Variants in PLCXD1 observed in about 807,000 individuals in gnomAD.
The protein encoded by PLCXD1 is phosphatidylinositol specific phospholipase C X domain containing 1.
A neutral mutation model predicts 37.8 loss-of-function variants in PLCXD1; 45 were observed. The observed-to-expected ratio is 1.19, with a 90% CI of 0.94 to 1.53. The LOEUF (loss-of-function observed/expected upper bound fraction) is 1.53, where lower values mean the gene tolerates loss of function less well. PLCXD1 is among the 40% of genes most tolerant of loss of function. PLCXD1 has a pLI of 0.00. For missense variants in PLCXD1, 539 were observed against 454.7 expected, an observed-to-expected ratio of 1.19 and a Z score of -1.69; for synonymous variants, 246 against 206.9, an observed-to-expected ratio of 1.19 and a Z score of -1.62.
chrX:278,185 C>CGTGGGGACAGGT (rs2069192255), upstream of PLCXD1, among the ~76,000 whole-genome samples: 5 of 27,262 alleles, frequency 1.8e-4, no homozygotes, highest in African/African-American at 3.8e-4. Context: ...GGTCGGGGGA[C>CGTGGGGACAGGT]GTGGGGACAG....
upstream of PLCXD1, chrX:281,157 C>T (rs1228651046): frequency 4.8e-4 from 1 of 2,072 alleles, no homozygotes; most frequent in Non-Finnish European, 9.6e-4. Flanking sequence ...GCAGGCGGAG[C>T]GGGGGGCGTG....
chrX:286,912 T>C (rs2069464776), intron 2 of PLCXD1, among the ~76,000 whole-genome samples: 1 of 151,632 alleles, frequency 6.6e-6, no homozygotes, highest in Non-Finnish European at 1.5e-5. Flanking sequence ...ACACCTTAGC[T>C]CAAGATCGGG....
At chrX:294,841 G>A (rs1285368170) in intron 6 of PLCXD1, among the ~76,000 whole-genome samples, 1 of 150,634 alleles carries the variant, frequency 6.6e-6, no homozygotes, top group East Asian at 2.0e-4. Context: ...CTGGGGTCAA[G>A]CGATCTGCTT....
rs1257566871 is a variant in PLCXD1, at chrX:284,407, C to G, written c.127+93C>G. 1.0e-5 allele frequency: 15 copies of G among 1,430,490 alleles called. No individual in the cohort carries two copies. The Middle Eastern group carries it at 7.4e-4, about 71-fold the overall frequency. The allele number at this position is 1,430,490 out of a possible 1,614,324, so 88.6% of individuals were successfully genotyped here. ...TGGCGTCTGCATTCCCCAGTGGGGA[C>G]GCTGGCTGTAGGAGCAATCCTGGGT... On this transcript the variant is annotated intron_variant, in intron 2 of 6. Coordinates refer to ENST00000381657, the MANE Select transcript of PLCXD1 (RefSeq NM_018390.4).
chrX:300,105 C>T lies in PLCXD1; in HGVS notation c.*770C>T, dbSNP rs1167758653. ...GTCTCTCTATGTTGGCCAGGTTGGT[C>T]TTGAACTCCTGGCCTCAAGTGATCC... On this transcript the variant is annotated 3_prime_UTR_variant, in exon 7 of 7. Transcript: ENST00000381657. 6.6e-6 allele frequency: 1 copy of T among 150,530 alleles called. No individual in the cohort carries two copies. The highest frequency in any genetic ancestry group is 2.0e-4 in the East Asian group (1 of 5,118). The allele number at this position is 150,530 out of a possible 1,614,324, so 9.3% of individuals were successfully genotyped here. A position where few individuals can be genotyped will look rare whatever the true frequency, so the allele number is the denominator to read the frequency against.
chrX:282,181 A>G (rs1028263113), intron 1 of PLCXD1, among the ~76,000 whole-genome samples: 1 of 152,170 alleles, frequency 6.6e-6, no homozygotes, highest in Non-Finnish European at 1.5e-5. Flanking sequence ...AATTAGATCT[A>G]ATGATTTTAA....
intron 2 of PLCXD1, among the ~76,000 whole-genome samples, chrX:287,366 TATAA>T (rs2069479897): frequency 6.9e-6 from 1 of 144,372 alleles, no homozygotes; most frequent in Non-Finnish European, 1.5e-5. Flanking sequence ...TATATATTTA[TATAA>T]ATACATATTT....
intron 4 of PLCXD1, 80 bp downstream of exon 4, chrX:290,856 T>G: frequency 1.9e-6 from 2 of 1,054,390 alleles, no homozygotes; most frequent in Non-Finnish European, 1.3e-6. Flanking sequence ...CGGGCTGAGG[T>G]GGGAAGCAAG....
At chrX:299,051 G>T (rs1373536805) in intron 6 of PLCXD1, 46 bp from the exon 7 acceptor site, 1 of 1,401,874 alleles carries the variant, frequency 7.1e-7, no homozygotes, top group Non-Finnish European at 1.0e-6. Context: ...AAACAGGCGG[G>T]TGAGGCCCGT....
rs73176207 is a variant in PLCXD1 at position 301,244 on chromosome X, C to G, written c.*1909C>G. On this transcript the variant is annotated 3_prime_UTR_variant, in exon 7 of 7. Coordinates refer to ENST00000381657, the MANE Select transcript of PLCXD1 (RefSeq NM_018390.4). ...CAGTCTGGTCTCAAATTCCTGGGCT[C>G]CAGTGATCCTCCCACCTTAGCTTCC... 40,082 of 151,944 alleles carry G rather than the reference C, an allele frequency of 0.26. 6,187 individuals carry two copies. The highest frequency in any genetic ancestry group is 0.53 in the South Asian group (2,551 of 4,810). The allele number at this position is 151,944 out of a possible 1,614,324, so 9.4% of individuals were successfully genotyped here. A position where few individuals can be genotyped will look rare whatever the true frequency, so the allele number is the denominator to read the frequency against.
At chrX:286,292 C>T (rs1289481292) in intron 2 of PLCXD1, among the ~76,000 whole-genome samples, 3 of 152,058 alleles carry the variant, frequency 2.0e-5, no homozygotes, top group Middle Eastern at 3.4e-3. Context: ...CTCGAACTCC[C>T]GACCTCAGGC....
chrX:283,968 A>G, intron 1 of PLCXD1, 199 bp from the exon 2 acceptor site: 2 of 530,752 alleles, frequency 3.8e-6, no homozygotes, highest in Non-Finnish European at 6.7e-6. Flanking sequence ...TGTAACCTCC[A>G]CCTCCCGGGT....
chrX:278,250 G>A (rs2069194109), upstream of PLCXD1, among the ~76,000 whole-genome samples: 1 of 151,154 alleles, frequency 6.6e-6, no homozygotes, highest in South Asian at 2.1e-4. Flanking sequence ...GGTGACGGGA[G>A]GGGAGGGACT....
chrX:284,006 C>G (rs1443266322), intron 1 of PLCXD1, 161 bp from the exon 2 acceptor site: 2 of 609,704 alleles, frequency 3.3e-6, no homozygotes, highest in Non-Finnish European at 5.9e-6. Context: ...CTCAGCCTCC[C>G]GAGTAGCTGG....
chrX:280,283 C>G (rs2069235301), upstream of PLCXD1, among the ~76,000 whole-genome samples: 1 of 150,444 alleles, frequency 6.6e-6, no homozygotes, highest in Non-Finnish European at 1.5e-5. Flanking sequence ...GAGGGGAGGC[C>G]GTGCAGGAGG....
At chrX:293,785 AGT>A (rs2069714443) in intron 6 of PLCXD1, among the ~76,000 whole-genome samples, 2 of 152,300 alleles carry the variant, frequency 1.3e-5, no homozygotes, top group African/African-American at 4.8e-5. Flanking sequence ...AAGGACACGT[AGT>A]GTGTGAATCC....
At chrX:286,263 C>A (rs1344047408) in intron 2 of PLCXD1, among the ~76,000 whole-genome samples, 1 of 152,056 alleles carries the variant, frequency 6.6e-6, no homozygotes, top group East Asian at 1.9e-4. Flanking sequence ...TGGGGTTTCA[C>A]CATGTTGGTC....
Position 284,302 on chromosome X carries a change from C to G in PLCXD1, c.115C>G (p.Leu39Val). The change falls in exon 2 of 7, where the codon CTC (leucine) becomes GTC (valine). Residue 39 changes from leucine to valine, a missense_variant. By Grantham distance (32) the Leu-to-Val change is conservative. Transcript: ENST00000381657. ...PRLWDVPLHH[L>V]SIPGSHDTMT... is the part of the protein sequence containing the mutation. Reference sequence around the variant, plus strand: ...GCTCTGGGATGTGCCCCTCCACCACCTCTCCATCCCAGGTGAGGTTGGGGT... The same window carrying G: ...GCTCTGGGATGTGCCCCTCCACCACGTCTCCATCCCAGGTGAGGTTGGGGT... 6.2e-7 allele frequency: 1 copy of G among 1,613,252 alleles called. No homozygotes were observed. Among genetic ancestry groups the G allele is most frequent in the East Asian group, 2.2e-5 (1 of 44,876 alleles).
upstream of PLCXD1, among the ~76,000 whole-genome samples, chrX:278,757 G>T: frequency 1.0e-5 from 1 of 96,232 alleles, no homozygotes; most frequent in African/African-American, 3.2e-5. Flanking sequence ...AAAAAAAAAA[G>T]TGTGTTTTGC....
Sources: allele counts gnomAD v4.1 joint callset (sites outside exome capture counted in the v4.1 genomes callset), GRCh38; gene constraint gnomAD v4.1.1; transcripts MANE v1.5; gene names NCBI Gene and HGNC (gene_info 2026-07-23, HGNC 2026-07-21).